Variants in TUT1 observed in about 807,000 individuals in gnomAD.
TUT1 encodes the protein terminal uridylyl transferase 1, U6 snRNA-specific, also known as speckle targeted PIP5K1A-regulated poly(A) polymerase.
In TUT1, 26 loss-of-function variants were observed where a neutral mutation model predicts 48.8. The observed-to-expected ratio is 0.53, with a 90% CI of 0.39 to 0.74. The LOEUF (loss-of-function observed/expected upper bound fraction) is 0.74, where lower values mean the gene tolerates loss of function less well. Ranked by LOEUF, TUT1 falls within the 30% of genes least tolerant of loss-of-function variation. The pLI is 0.00. For synonymous variants in TUT1, 470 were observed against 460.8 expected (o/e 1.02, Z -0.26); for missense variants, 1,065 against 1,114.8 (o/e 0.96, Z 0.64).
Position 62,575,422 on chromosome 11 carries a change from C to T in TUT1, c.2297G>A (p.Trp766Ter). ...KGASLPSSASWRCALWHRVWQ... is the reference protein window; with the variant it reads ...KGASLPSSAS ...CACTCGGTGCCACAAGGCACAGCGC[C>T]AGCTCGCTGAGGAGGGCAGGGATGC... Residue 766 changes from tryptophan (W) to a stop codon, truncating the protein, a stop_gained, in exon 9 of 9, where the codon TGG becomes TAG. Coordinates refer to ENST00000476907, the MANE Select transcript of TUT1 (RefSeq NM_022830.3). LOFTEE classifies it low-confidence loss of function (END_TRUNC). The T allele has an allele frequency of 6.2e-7, 1 of 1,611,654 alleles. No homozygotes were observed. Among genetic ancestry groups the T allele is most frequent in the Non-Finnish European group, 8.5e-7 (1 of 1,180,000 alleles).
chr11:62,579,989 A>T (rs1160813438), intron 4 of TUT1, among the ~76,000 whole-genome samples: 1 of 152,084 alleles, frequency 6.6e-6, no homozygotes, highest in Non-Finnish European at 1.5e-5. Context: ...TGAAAATAAT[A>T]ATAGGCTGGG....
In TUT1 at chr11:62,576,957, G is replaced by T. The variant is rs1941739679; in HGVS notation, c.1331C>A (p.Thr444Asn). The T allele has an allele frequency of 6.2e-7, 1 of 1,614,144 alleles. No homozygotes were observed. The highest frequency in any genetic ancestry group is 2.2e-5 in the East Asian group (1 of 44,894). Reference sequence around the variant, plus strand: ...AGTGGGCAACACAGGAGGGTCCCTGGTCTGAAGAAAATAGATCACCAGCAA... The same window carrying T: ...AGTGGGCAACACAGGAGGGTCCCTGTTCTGAAGAAAATAGATCACCAGCAA... The part of the protein sequence containing the change: ...LTLLVIYFLQ[T>N]RDPPVLPTVS... The change falls in exon 7 of 9, where the codon ACC becomes AAC. Residue 444 changes from threonine (T) to asparagine (N), a missense_variant. By Grantham distance (65) the Thr-to-Asn change is moderately conservative. Coordinates refer to ENST00000476907, the MANE Select transcript of TUT1 (RefSeq NM_022830.3).
At chr11:62,586,074 C>T (rs1480388726) in intron 2 of TUT1, among the ~76,000 whole-genome samples, 1 of 152,100 alleles carries the variant, frequency 6.6e-6, no homozygotes, top group East Asian at 1.9e-4. Context: ...GCCAAGTTCG[C>T]GCCACTGCAT....
At chr11:62,577,612 A>T (rs965675035) in intron 5 of TUT1, among the ~76,000 whole-genome samples, 4 of 151,142 alleles carry the variant, frequency 2.6e-5, no homozygotes, top group Admixed American at 1.3e-4. Flanking sequence ...GACTGCCCAG[A>T]GCCTTTACTA....
chr11:62,583,153 A>G (rs1334214211), intron 2 of TUT1, among the ~76,000 whole-genome samples: 1 of 151,572 alleles, frequency 6.6e-6, no homozygotes, highest in African/African-American at 2.4e-5. Flanking sequence ...AAAAAAATCA[A>G]TTCATGTAAT....
At position 62,575,558 on chromosome 11, in the gene TUT1, G is replaced by A. The variant is rs1941707454; in HGVS notation, c.2161C>T (p.His721Tyr). The change falls in exon 9 of 9, where the codon CAT becomes TAT. Residue 721 changes from histidine to tyrosine, a missense_variant. Transcript: ENST00000476907. Reference protein sequence around the residue: ...PGDLPLTTGKHGAPGEEGQPS... With the variant: ...PGDLPLTTGKYGAPGEEGQPS... ...TGCCCCTCTTCTCCAGGGGCTCCAT[G>A]CTTTCCAGTGGTCAGGGGCAGGTCC... 2.5e-6 allele frequency: 4 copies of A among 1,613,970 alleles called. No individual in the cohort carries two copies. Among genetic ancestry groups the A allele is most frequent in the Non-Finnish European group, 3.4e-6 (4 of 1,180,024 alleles).
chr11:62,576,353 C>T (rs928299618), intron 8 of TUT1, 109 bp from the exon 9 acceptor site: 3 of 1,334,510 alleles, frequency 2.2e-6, no homozygotes, highest in African/African-American at 3.0e-5. Flanking sequence ...TTCCAAGGGG[C>T]TCAGCAGAGT....
chr11:62,577,461 T>C, intron 5 of TUT1, 170 bp from the exon 6 acceptor site: 1 of 608,528 alleles, frequency 1.6e-6, no homozygotes, highest in South Asian at 2.0e-5. Flanking sequence ...GACAAAGGAG[T>C]TCGGGAAACA....
chr11:62,575,861 T>A lies in TUT1; in HGVS notation c.1858A>T (p.Thr620Ser). The change falls in exon 9 of 9, where the codon ACT (threonine) becomes TCT (serine). Residue 620 changes from threonine (T) to serine (S), a missense_variant. Thr to Ser is a moderately conservative substitution (Grantham distance 58). Transcript: ENST00000476907. ...CTGAATACCTGCACCAGGGCAGCAG[T>A]GAGCTGGGTGAAGGGTGCAAGGGGT... ...PLPLAPFTQL[T>S]AALVQVFREA... The A allele has an allele frequency of 6.2e-7, 1 of 1,614,028 alleles. No homozygotes were observed. Among genetic ancestry groups the A allele is most frequent in the South Asian group, 1.1e-5 (1 of 91,072 alleles).
At chr11:62,580,201 G>A (rs1477516928) in intron 4 of TUT1, among the ~76,000 whole-genome samples, 1 of 151,986 alleles carries the variant, frequency 6.6e-6, no homozygotes, top group Non-Finnish European at 1.5e-5. Context: ...GCTCATTCCT[G>A]TAATCCCAGC....
At position 62,578,872 on chromosome 11, in the gene TUT1, G is replaced by A. The variant is rs890275743; in HGVS notation, c.849C>T (p.Ser283=). The A allele has an allele frequency of 4.3e-6, 7 of 1,610,520 alleles. No homozygotes were observed. The Admixed American group carries it at 6.7e-5, about 15-fold the overall frequency. Residue 283 remains serine (S), a synonymous_variant, in exon 5 of 9, where the codon TCC becomes TCT. Transcript: ENST00000476907. The stretch of plus-strand genomic sequence containing the variant: ...AGTCCGGAGTTTGGGGCGCCAGGGA[G>A]GAGGAAGGGGTTTCAAAGTCCAGGG... The part of the protein sequence containing the change: ...SEALDFETPS[S]SLAPQTPDSA...
At chr11:62,580,678 C>T (rs866177743) in intron 4 of TUT1, among the ~76,000 whole-genome samples, 1 of 144,070 alleles carries the variant, frequency 6.9e-6, no homozygotes, top group African/African-American at 2.6e-5. Flanking sequence ...TCTCGGCTCA[C>T]TGCAACCTCT....
At chr11:62,581,851 A>G in intron 2 of TUT1, 150 bp from the exon 3 acceptor site, 1 of 755,984 alleles carries the variant, frequency 1.3e-6, no homozygotes, top group Non-Finnish European at 1.9e-6. Flanking sequence ...ACATATCTAG[A>G]AAAGCAATTT....
intron 4 of TUT1, among the ~76,000 whole-genome samples, chr11:62,580,294 A>G (rs1316737707): frequency 6.6e-6 from 1 of 151,926 alleles, no homozygotes; most frequent in Non-Finnish European, 1.5e-5. Context: ...TCCCATCTCT[A>G]CTAAAAATAC....
In TUT1 at chr11:62,575,335, C is replaced by A. The variant is rs771548950; in HGVS notation, c.2384G>T (p.Gly795Val). 1.9e-6 allele frequency: 3 copies of A among 1,614,124 alleles called. No homozygotes were observed. Among genetic ancestry groups the A allele is most frequent in the Non-Finnish European group, 2.5e-6 (3 of 1,180,022 alleles). ...CCACCCTGCTCTTGTGCCAGCGCCACCTCCAGCTCCCTCCTTGGTTTGCTG... is the reference window on the plus strand; with the variant it reads ...CCACCCTGCTCTTGTGCCAGCGCCAACTCCAGCTCCCTCCTTGGTTTGCTG... Reference protein sequence around the residue: ...LQQQTKEGAGGGAGTRAGWLA... With the variant: ...LQQQTKEGAGVGAGTRAGWLA... Residue 795 changes from glycine to valine, a missense_variant, in exon 9 of 9, where the codon GGT becomes GTT. By Grantham distance (109) the Gly-to-Val change is moderately radical. Transcript: ENST00000476907.
At position 62,589,195 on chromosome 11, in the gene TUT1, C is replaced by T; in HGVS notation, c.109G>A (p.Gly37Ser). The change falls in exon 2 of 9, where the codon GGC becomes AGC. Residue 37 changes from glycine (G) to serine (S), a missense_variant. By Grantham distance (56) the Gly-to-Ser change is moderately conservative. Coordinates refer to ENST00000476907, the MANE Select transcript of TUT1 (RefSeq NM_022830.3). Reference protein sequence around the residue: ...NRPSLDAHLGGRKHRHLVELR... With the variant: ...NRPSLDAHLGSRKHRHLVELR... The stretch of plus-strand genomic sequence containing the variant: ...TCTACCAGGTGCCGGTGCTTTCTGC[C>T]TCCCAAGTGGGCATCAAGGCTGGGT... The T allele has an allele frequency of 6.2e-7, 1 of 1,614,170 alleles. No individual in the cohort carries two copies. Among genetic ancestry groups the T allele is most frequent in the Non-Finnish European group, 8.5e-7 (1 of 1,180,030 alleles).
At chr11:62,584,419 C>T (rs892519181) in intron 2 of TUT1, among the ~76,000 whole-genome samples, 3 of 150,602 alleles carry the variant, frequency 2.0e-5, no homozygotes, top group Non-Finnish European at 4.4e-5. Context: ...TCAGCCACCA[C>T]ACCCACCCCT....
chr11:62,575,428 G>C lies in TUT1; in HGVS notation c.2291C>G (p.Ala764Gly). ...GTGCCACAAGGCACAGCGCCAGCTC[G>C]CTGAGGAGGGCAGGGATGCCCCCTT... Reference protein sequence around the residue: ...AGKGASLPSSASWRCALWHRV... With the variant: ...AGKGASLPSSGSWRCALWHRV... Residue 764 changes from alanine (A) to glycine (G), a missense_variant, in exon 9 of 9, where the codon GCG (alanine) becomes GGG (glycine). By Grantham distance (60) the Ala-to-Gly change is moderately conservative. Transcript: ENST00000476907. 1 of 1,611,166 alleles carries C rather than the reference G, an allele frequency of 6.2e-7. No individual in the cohort carries two copies. Among genetic ancestry groups the C allele is most frequent in the African/African-American group, 1.3e-5 (1 of 75,042 alleles).
chr11:62,576,554 G>A (rs1941731516), intron 8 of TUT1, 103 bp downstream of exon 8: 4 of 1,056,670 alleles, frequency 3.8e-6, no homozygotes, highest in Non-Finnish European at 5.7e-6. Context: ...GTATCTCACA[G>A]GCTTTCTGTG....
Sources: allele counts gnomAD v4.1 joint callset (sites outside exome capture counted in the v4.1 genomes callset), GRCh38; gene constraint gnomAD v4.1.1; transcripts MANE v1.5; gene names NCBI Gene and HGNC (gene_info 2026-07-23, HGNC 2026-07-21).